DNAH11: variants seen among roughly 807,000 people sequenced by gnomAD.
DNAH11 encodes the protein dynein axonemal heavy chain 11, also known as axonemal beta dynein heavy chain 11.
A neutral mutation model predicts 526.0 loss-of-function variants in DNAH11; 442 were observed. That is an observed-to-expected ratio of 0.84 (90% CI 0.78 to 0.91). DNAH11 has a LOEUF of 0.91. Ranked by LOEUF, DNAH11 falls within the 40% of genes least tolerant of loss-of-function variation. The pLI is 0.00. For synonymous variants in DNAH11, 2,461 were observed against 1,935.9 expected (o/e 1.27, Z -7.12); for missense variants, 6,989 against 5,448.7 (o/e 1.28, Z -8.90).
rs936926617 is a variant in DNAH11 at position 21,607,919 on chromosome 7, A to G, written c.3852+1186A>G. 6.1e-4 allele frequency among the ~76,000 whole-genome samples: 81 copies of G among 133,466 alleles called. 1 individual carries two copies. Among genetic ancestry groups the G allele is most frequent in the African/African-American group, 2.1e-3 (77 of 35,994 alleles). 87.6% of individuals were successfully genotyped at this position (133,466 alleles called of 152,430 possible). On this transcript the variant is annotated intron_variant, in intron 20 of 81. Transcript: ENST00000409508. ...CGCCATTGTACTCCAGCCTGGCGAC[A>G]GAGCAAGACTTCATCTCAAAAAAAA...
chr7:21,802,758 A>T (rs35471448), intron 62 of DNAH11, among the ~76,000 whole-genome samples: 57,306 of 151,466 alleles, frequency 0.38, 11,577 homozygotes, highest in East Asian at 0.81. Context: ...CACAGGCAGA[A>T]TGTGCCTGTG....
intron 20 of DNAH11, among the ~76,000 whole-genome samples, chr7:21,608,898 T>C (rs2128449762): frequency 6.6e-6 from 1 of 152,340 alleles, no homozygotes; most frequent in South Asian, 2.1e-4. Context: ...GAACTTTTTC[T>C]TGAAGTCATG....
intron 30 of DNAH11, among the ~76,000 whole-genome samples, chr7:21,680,183 T>A (rs1056149548): frequency 4.1e-4 from 62 of 152,196 alleles, no homozygotes; most frequent in African/African-American, 1.4e-3. Context: ...GGTTTCGCAT[T>A]TTCCGGGGCA....
intron 35 of DNAH11, among the ~76,000 whole-genome samples, chr7:21,696,478 CTAGA>C (rs766430257): frequency 5.3e-5 from 8 of 152,228 alleles, no homozygotes; most frequent in South Asian, 2.1e-4. Context: ...TTGAAAAATT[CTAGA>C]TAGAGAATAA....
chr7:21,882,325 T>A (rs1269152662), intron 75 of DNAH11, among the ~76,000 whole-genome samples: 2 of 152,146 alleles, frequency 1.3e-5, no homozygotes, highest in African/African-American at 4.8e-5. Flanking sequence ...CAGCCTTAAG[T>A]TTTTAACACA....
At position 21,543,438 on chromosome 7, in the gene DNAH11, C is replaced by A. The variant is rs774172154; in HGVS notation, c.193C>A (p.Arg65Ser). ...CGCGCGGGTGCGCTTCCTCGGCGGC[C>A]GCCTGGCGATGATGCTGGGGTTCAC... ...QDARVRFLGGRLAMMLGFTEE... is the reference protein window; with the variant it reads ...QDARVRFLGGSLAMMLGFTEE... Residue 65 changes from arginine to serine, a missense_variant, in exon 1 of 82, where the codon CGC becomes AGC. Physicochemically the swap from Arg to Ser is moderately radical, Grantham distance 110 (BLOSUM62 -1). Coordinates refer to ENST00000409508, the MANE Select transcript of DNAH11 (RefSeq NM_001277115.2). 1 of 1,560,582 alleles carries A rather than the reference C, an allele frequency of 6.4e-7. No homozygotes were observed.
At chr7:21,610,478 G>T (rs912306677) in intron 20 of DNAH11, among the ~76,000 whole-genome samples, 1 of 152,090 alleles carries the variant, frequency 6.6e-6, no homozygotes, top group Non-Finnish European at 1.5e-5. Context: ...GGGTCCAACA[G>T]ATTAAGTTCA....
At chr7:21,763,110 G>A (rs943325006) in intron 54 of DNAH11, among the ~76,000 whole-genome samples, 12 of 152,112 alleles carry the variant, frequency 7.9e-5, no homozygotes, top group African/African-American at 2.4e-4. Flanking sequence ...TTGAGATGCT[G>A]AGGCAGGTGG....
intron 30 of DNAH11, among the ~76,000 whole-genome samples, chr7:21,676,736 A>G (rs1336399531): frequency 1.3e-5 from 2 of 152,214 alleles, no homozygotes; most frequent in Admixed American, 6.5e-5. Flanking sequence ...TATAAGGCAT[A>G]TGATATTATT....
chr7:21,550,003 C>T (rs966501487), intron 2 of DNAH11, among the ~76,000 whole-genome samples: 21 of 152,258 alleles, frequency 1.4e-4, no homozygotes, highest in Non-Finnish European at 2.6e-4. Context: ...TTGACCTGCT[C>T]TTTGTATAGT....
chr7:21,885,907 C>T (rs1003189998), intron 76 of DNAH11, among the ~76,000 whole-genome samples: 43 of 152,206 alleles, frequency 2.8e-4, no homozygotes, highest in African/African-American at 9.9e-4. Flanking sequence ...GGTTCCAGCC[C>T]GGGGCTGTGT....
At chr7:21,837,785 T>C (rs902280214) in intron 65 of DNAH11, among the ~76,000 whole-genome samples, 2 of 152,154 alleles carry the variant, frequency 1.3e-5, no homozygotes, top group African/African-American at 4.8e-5. Context: ...AGGGTGACTA[T>C]AGTAAACAAT....
At chr7:21,786,991 G>GA (rs1583694208) in intron 59 of DNAH11, among the ~76,000 whole-genome samples, 1 of 152,222 alleles carries the variant, frequency 6.6e-6, no homozygotes, top group East Asian at 1.9e-4. Flanking sequence ...GCAGCAGGTG[G>GA]AAGGTTGCTA....
intron 49 of DNAH11, among the ~76,000 whole-genome samples, chr7:21,743,914 G>C (rs534006560): frequency 6.6e-6 from 1 of 152,278 alleles, no homozygotes; most frequent in African/African-American, 2.4e-5. Context: ...TGAGGAGTGA[G>C]TGCGTGTGAA....
In DNAH11 at chr7:21,670,263, T is replaced by C. The variant is rs80285421; in HGVS notation, c.5328+11232T>C. On this transcript the variant is annotated intron_variant, in intron 30 of 81. Coordinates refer to ENST00000409508, the MANE Select transcript of DNAH11 (RefSeq NM_001277115.2). The stretch of plus-strand genomic sequence containing the variant: ...AGCCTTGCACATTTCTCATTAGATT[T>C]ATTTTTAGATGGTTGATGTGTTTTT... Among the ~76,000 whole-genome samples the C allele has an allele frequency of 6.2e-3, 947 of 152,156 alleles. 7 individuals carry two copies. Among genetic ancestry groups the C allele is most frequent in the African/African-American group, 0.022 (900 of 41,552 alleles).
intron 35 of DNAH11, among the ~76,000 whole-genome samples, chr7:21,695,491 A>G (rs796442139): frequency 1.3e-5 from 2 of 152,264 alleles, no homozygotes; most frequent in African/African-American, 4.8e-5. Flanking sequence ...CAAGCAGTGG[A>G]GAAAGGATTC....
chr7:21,637,016 A>T (rs1048645878), intron 26 of DNAH11, among the ~76,000 whole-genome samples: 4 of 152,206 alleles, frequency 2.6e-5, no homozygotes, highest in South Asian at 4.1e-4. Context: ...ACTATTTCTC[A>T]TAAAAATTGA....
intron 42 of DNAH11, among the ~76,000 whole-genome samples, chr7:21,717,303 G>A (rs1358843946): frequency 6.6e-6 from 1 of 151,942 alleles, no homozygotes; most frequent in Non-Finnish European, 1.5e-5. Flanking sequence ...GTTACATTCA[G>A]TCCATTGAAA....
chr7:21,734,401 AG>A (rs1409703414), intron 45 of DNAH11, among the ~76,000 whole-genome samples: 2 of 152,250 alleles, frequency 1.3e-5, no homozygotes. Context: ...GCAGCAAGAA[AG>A]GGAAAAAATA....
Sources: allele counts gnomAD v4.1 joint callset (sites outside exome capture counted in the v4.1 genomes callset), GRCh38; gene constraint gnomAD v4.1.1; transcripts MANE v1.5; gene names NCBI Gene and HGNC (gene_info 2026-07-23, HGNC 2026-07-21).